The following LYPLA2 variants were observed in gnomAD, a reference collection of about 807,000 sequenced individuals.
The protein encoded by LYPLA2 is acyl-protein thioesterase 2.
Under a neutral mutation model 30.3 loss-of-function variants are expected in LYPLA2, and 7 were observed. That is an observed-to-expected ratio of 0.23 (90% CI 0.13 to 0.43). LYPLA2 has a LOEUF of 0.43. Ranked by LOEUF, LYPLA2 falls within the 20% of genes least tolerant of loss-of-function variation. LYPLA2 has a pLI of 1.00. For missense variants in LYPLA2, 206 were observed against 307.9 expected (o/e 0.67, Z 2.48); for synonymous variants, 112 against 118.2 (o/e 0.95, Z 0.34).
Position 23,795,136 on chromosome 1 carries a change from C to G in LYPLA2, c.*404C>G, listed in dbSNP as rs1235844080. 1 of 376,930 alleles carries G rather than the reference C, an allele frequency of 2.7e-6. No homozygotes were observed. The highest frequency in any genetic ancestry group is 5.1e-6 in the Non-Finnish European group (1 of 195,284). 23.3% of individuals were successfully genotyped at this position (376,930 alleles called of 1,614,324 possible). ...CCCCAGGCCCCTGCCCCAACTGATT[C>G]TGCCCAGATAATCGTGTCTCCTGCC... is the stretch of plus-strand genomic sequence containing the variant. On this transcript the variant is annotated 3_prime_UTR_variant, in exon 10 of 10. Coordinates refer to ENST00000374514, the MANE Select transcript of LYPLA2 (RefSeq NM_007260.3).
chr1:23,794,247 G>C lies in LYPLA2; in HGVS notation c.393G>C (p.Thr131=). ...FSQGGALSLY[T]ALTCPHPLAG... is the part of the protein sequence containing the mutation. The stretch of plus-strand genomic sequence containing the variant: ...AGGGCGGGGCCCTGTCCCTCTACAC[G>C]GCCCTCACCTGCCCCCACCCTCTGG... The change falls in exon 8 of 10, where the codon ACG becomes ACC. Residue 131 remains threonine, a synonymous_variant. Coordinates refer to ENST00000374514, the MANE Select transcript of LYPLA2 (RefSeq NM_007260.3). This position sits in a 1 kb window ranked among gnomAD's most constrained non-coding sequence, Gnocchi z 5.9. The C allele has an allele frequency of 6.8e-6, 11 of 1,611,350 alleles. No homozygotes were observed. Among genetic ancestry groups the C allele is most frequent in the Non-Finnish European group, 9.3e-6 (11 of 1,179,706 alleles).
chr1:23,793,249 G>GCTGGGGAT lies in LYPLA2; in HGVS notation c.176+35_176+42dup. 5 of 1,605,512 alleles carry GCTGGGGAT rather than the reference G, an allele frequency of 3.1e-6. No homozygotes were observed. The highest frequency in any genetic ancestry group is 4.3e-6 in the Non-Finnish European group (5 of 1,173,572). On this transcript the variant is annotated intron_variant, in intron 4 of 9. Coordinates refer to ENST00000374514, the MANE Select transcript of LYPLA2 (RefSeq NM_007260.3). The surrounding 1 kb of genome is among the most constrained non-coding windows in gnomAD (Gnocchi z 6.0). Reference sequence around the variant, plus strand: ...TCACCCCAGCAAGGGAGGGGCTGAGGCTGGGGATCATCTGGGGGTGGTCCT... The same window carrying GCTGGGGAT: ...TCACCCCAGCAAGGGAGGGGCTGAGGCTGGGGATCTGGGGATCATCTGGGGGTGGTCCT...
Position 23,793,099 on chromosome 1 carries a change from G to C in LYPLA2, c.111-52G>C. 6.2e-7 allele frequency: 1 copy of C among 1,613,448 alleles called. No individual in the cohort carries two copies. Among genetic ancestry groups the C allele is most frequent in the African/African-American group, 1.3e-5 (1 of 75,016 alleles). ...GGTCCTGGCCCAGCAGCGGACTGGA[G>C]AGGCCTTCTCTTCCTACCACATCGG... On this transcript the variant is annotated intron_variant, in intron 3 of 9. Transcript: ENST00000374514. This position sits in a 1 kb window ranked among gnomAD's most constrained non-coding sequence, Gnocchi z 6.0.
At position 23,793,975 on chromosome 1, in the gene LYPLA2, C is replaced by G. The variant is rs775820443; in HGVS notation, c.295+45C>G. On this transcript the variant is annotated intron_variant, in intron 6 of 9. Coordinates refer to ENST00000374514, the MANE Select transcript of LYPLA2 (RefSeq NM_007260.3). This position sits in a 1 kb window ranked among gnomAD's most constrained non-coding sequence, Gnocchi z 6.0. ...TCCACATCCTCCTTCCCCTGCCCCCCAGGAAAGCGCTGGGCGGTTCCTCAG... is the reference window on the plus strand; with the variant it reads ...TCCACATCCTCCTTCCCCTGCCCCCGAGGAAAGCGCTGGGCGGTTCCTCAG... 2.5e-6 allele frequency: 4 copies of G among 1,596,418 alleles called. No individual in the cohort carries two copies. The highest frequency in any genetic ancestry group is 1.7e-5 in the Admixed American group (1 of 59,988).
Position 23,793,788 on chromosome 1 carries a change from G to C in LYPLA2, c.224+36G>C, listed in dbSNP as rs1186587109. On this transcript the variant is annotated intron_variant, in intron 5 of 9. Coordinates refer to ENST00000374514, the MANE Select transcript of LYPLA2 (RefSeq NM_007260.3). The surrounding 1 kb of genome is among the most constrained non-coding windows in gnomAD (Gnocchi z 6.0). ...GAGTGGGGGTGGGCAGGGGGACGAGGACACTTGGGCTGAGGGAGCCACAGG... is the reference window on the plus strand; with the variant it reads ...GAGTGGGGGTGGGCAGGGGGACGAGCACACTTGGGCTGAGGGAGCCACAGG... 1 of 1,613,362 alleles carries C rather than the reference G, an allele frequency of 6.2e-7. No individual in the cohort carries two copies. The highest frequency in any genetic ancestry group is 8.5e-7 in the Non-Finnish European group (1 of 1,179,428).
intron 2 of LYPLA2, 94 bp from the exon 3 acceptor site, chr1:23,792,902 CTGCTACCTGGGT>C (rs1440991952): frequency 1.5e-6 from 2 of 1,375,058 alleles, no homozygotes. Flanking sequence ...ACCTGTTTGG[CTGCTACCTGGGT>C]TCCCCCAGGT....
Position 23,793,589 on chromosome 1 carries a change from C to T in LYPLA2, c.177-116C>T. ...AGGTTGCCTGGCAACACCTTAAACA[C>T]AGGCCCTGCCTGCTGGGAGGGGCCA... is the stretch of plus-strand genomic sequence containing the variant. On this transcript the variant is annotated intron_variant, in intron 4 of 9. Coordinates refer to ENST00000374514, the MANE Select transcript of LYPLA2 (RefSeq NM_007260.3). The surrounding 1 kb of genome is among the most constrained non-coding windows in gnomAD (Gnocchi z 6.0). 1 of 1,076,788 alleles carries T rather than the reference C, an allele frequency of 9.3e-7. No individual in the cohort carries two copies. Among genetic ancestry groups the T allele is most frequent in the Non-Finnish European group, 1.4e-6 (1 of 697,656 alleles). 66.7% of individuals were successfully genotyped at this position (1,076,788 alleles called of 1,614,324 possible). A position where few individuals can be genotyped will look rare whatever the true frequency, so the allele number is the denominator to read the frequency against.
Position 23,792,983 on chromosome 1 carries a change from C to T in LYPLA2, c.79-25C>T, listed in dbSNP as rs2232981. The T allele has an allele frequency of 2.4e-3, 3,856 of 1,607,138 alleles. 38 individuals carry two copies. The African/African-American group carries it at 0.027, about 11-fold the overall frequency. On this transcript the variant is annotated intron_variant, in intron 2 of 9. Transcript: ENST00000374514. ...GAGGACCTAGGGGAAGCCTTCCTGT[C>T]TCCCCATTTCCCATCCTTTTCCAGG... is the stretch of plus-strand genomic sequence containing the variant.
intron 1 of LYPLA2, 140 bp from the exon 2 acceptor site, chr1:23,792,517 C>G (rs1030322279): frequency 6.3e-6 from 4 of 639,526 alleles, no homozygotes; most frequent in Non-Finnish European, 1.1e-5. Flanking sequence ...CTCCTGTGCC[C>G]TGGGACTTCT....
chr1:23,791,763 C>G (rs1638797296), intron 1 of LYPLA2, among the ~76,000 whole-genome samples: 1 of 151,486 alleles, frequency 6.6e-6, no homozygotes, highest in African/African-American at 2.4e-5. Context: ...GGTGCATTCC[C>G]CATGGGAAGA....
rs752356959 is a variant in LYPLA2 at position 23,794,154 on chromosome 1, GGGGGGTA to G, written c.369+30_369+36del. The G allele has an allele frequency of 6.4e-6, 9 of 1,412,244 alleles. No homozygotes were observed. Among genetic ancestry groups the G allele is most frequent in the South Asian group, 3.6e-5 (3 of 83,790 alleles). The allele number at this position is 1,412,244 out of a possible 1,614,324, so 87.5% of individuals were successfully genotyped here. A position where few individuals can be genotyped will look rare whatever the true frequency, so the allele number is the denominator to read the frequency against. On this transcript the variant is annotated intron_variant, in intron 7 of 9. Coordinates refer to ENST00000374514, the MANE Select transcript of LYPLA2 (RefSeq NM_007260.3). The surrounding 1 kb of genome is among the most constrained non-coding windows in gnomAD (Gnocchi z 5.9). The stretch of plus-strand genomic sequence containing the variant: ...TTTCACAGGTGAGGGGAGAGGGGTG[GGGGGGTA>G]GGGGGTAGGGGTGGCCGGTGAGTGA...
intron 1 of LYPLA2, 143 bp from the exon 2 acceptor site, chr1:23,792,514 G>A: frequency 1.6e-6 from 1 of 633,942 alleles, no homozygotes; most frequent in Non-Finnish European, 2.8e-6. Flanking sequence ...CTTCTCCTGT[G>A]CCCTGGGACT....
rs752178401 is a variant in LYPLA2, at chr1:23,794,279, T to G, written c.425T>G (p.Ile142Ser). 6.2e-7 allele frequency: 1 copy of G among 1,612,472 alleles called. No individual in the cohort carries two copies. The highest frequency in any genetic ancestry group is 1.1e-5 in the South Asian group (1 of 91,024). Residue 142 changes from isoleucine to serine, a missense_variant, in exon 8 of 10, where the codon ATC (isoleucine) becomes AGC (serine). Ile to Ser is a moderately radical substitution (Grantham distance 142). Coordinates refer to ENST00000374514, the MANE Select transcript of LYPLA2 (RefSeq NM_007260.3). This position sits in a 1 kb window ranked among gnomAD's most constrained non-coding sequence, Gnocchi z 5.9. The part of the protein sequence containing the change: ...ALTCPHPLAG[I>S]VALSCWLPLH... ...ACCTGCCCCCACCCTCTGGCTGGCA[T>G]CGTGGCGTTGAGCTGCTGGCTGCCT...
intron 2 of LYPLA2, 108 bp from the exon 3 acceptor site, chr1:23,792,900 G>C (rs1237389335): frequency 7.2e-7 from 1 of 1,386,868 alleles, no homozygotes; most frequent in Non-Finnish European, 1.0e-6. Context: ...TAACCTGTTT[G>C]GCTGCTACCT....
At chr1:23,792,816 C>T in intron 2 of LYPLA2, 56 bp downstream of exon 2, 4 of 1,502,404 alleles carry the variant, frequency 2.7e-6, no homozygotes, top group Non-Finnish European at 3.7e-6. Context: ...GGAGGACCGG[C>T]TGGAGGGGGT....
Position 23,794,918 on chromosome 1 carries a change from GCT to G in LYPLA2, c.*189_*190del. On this transcript the variant is annotated 3_prime_UTR_variant, in exon 10 of 10. Coordinates refer to ENST00000374514, the MANE Select transcript of LYPLA2 (RefSeq NM_007260.3). This position sits in a 1 kb window ranked among gnomAD's most constrained non-coding sequence, Gnocchi z 5.9. ...CTTCCTTCCTGGCCTTAGCCACCTGGCTCTGTCTGCAGCAGGGGCAGGCTGCT... is the reference window on the plus strand; with the variant it reads ...CTTCCTTCCTGGCCTTAGCCACCTGGCTGTCTGCAGCAGGGGCAGGCTGCT... 1 of 735,874 alleles carries G rather than the reference GCT, an allele frequency of 1.4e-6. No homozygotes were observed. Among genetic ancestry groups the G allele is most frequent in the Non-Finnish European group, 2.4e-6 (1 of 411,010 alleles). The allele number at this position is 735,874 out of a possible 1,614,324, so 45.6% of individuals were successfully genotyped here. A position where few individuals can be genotyped will look rare whatever the true frequency, so the allele number is the denominator to read the frequency against.
intron 1 of LYPLA2, 99 bp from the exon 2 acceptor site, chr1:23,792,558 A>C: frequency 1.4e-6 from 1 of 718,536 alleles, no homozygotes; most frequent in Non-Finnish European, 2.5e-6. Flanking sequence ...CCAGGACAGA[A>C]CCTGGGTGCT....
rs879594790 is a variant in LYPLA2 at position 23,795,359 on chromosome 1, TGTAGG to T, written c.*629_*633del. On this transcript the variant is annotated 3_prime_UTR_variant, in exon 10 of 10. Transcript: ENST00000374514. The stretch of plus-strand genomic sequence containing the variant: ...CCTCCTTCCCTGCAGGCCTGGAGCC[TGTAGG>T]GCTGGACTGAGGTTCAGGTCTCCCC... 4.6e-4 allele frequency: 100 copies of T among 216,860 alleles called. No homozygotes were observed. The highest frequency in any genetic ancestry group is 2.0e-3 in the Middle Eastern group (1 of 494). 13.4% of individuals were successfully genotyped at this position (216,860 alleles called of 1,614,324 possible). A position where few individuals can be genotyped will look rare whatever the true frequency, so the allele number is the denominator to read the frequency against.
chr1:23,794,642 C>A lies in LYPLA2; in HGVS notation c.646-40C>A. 3 of 1,614,172 alleles carry A rather than the reference C, an allele frequency of 1.9e-6. No individual in the cohort carries two copies. Among genetic ancestry groups the A allele is most frequent in the Non-Finnish European group, 2.5e-6 (3 of 1,179,998 alleles). ...TTTCCCACTCCCACTTCTCTGCCTCCAGCCAGGTGCCTCTCGTGATCCCCT... is the reference window on the plus strand; with the variant it reads ...TTTCCCACTCCCACTTCTCTGCCTCAAGCCAGGTGCCTCTCGTGATCCCCT... On this transcript the variant is annotated intron_variant, in intron 9 of 9. Transcript: ENST00000374514. The surrounding 1 kb of genome is among the most constrained non-coding windows in gnomAD (Gnocchi z 5.9).
Sources: gnomAD v4.1 joint callset for allele counts (sites outside exome capture counted in the v4.1 genomes callset) on GRCh38, gnomAD v4.1.1 for gene constraint, Gnocchi (gnomAD v3.1) non-coding constraint, MANE v1.5 for transcripts, NCBI Gene and HGNC (gene_info 2026-07-23, HGNC 2026-07-21) for gene names.